Variants in KANSL1 observed in about 807,000 individuals in gnomAD.
KANSL1 encodes KAT8 regulatory NSL complex subunit 1, also known as MLL1/MLL complex subunit KANSL1.
In KANSL1, 22 loss-of-function variants were observed where a neutral mutation model predicts 103.6. The ratio of observed to expected loss-of-function variants is 0.21; its 90% CI spans 0.15 to 0.30. The LOEUF (loss-of-function observed/expected upper bound fraction) is 0.30, where lower values mean the gene tolerates loss of function less well. Ranked by LOEUF, KANSL1 falls within the 10% of genes least tolerant of loss-of-function variation. The pLI is 1.00. For missense variants in KANSL1, 1,337 were observed against 1,399.8 expected, an observed-to-expected ratio of 0.96 and a Z score of 0.72; for synonymous variants, 600 against 527.6, an observed-to-expected ratio of 1.14 and a Z score of -1.88.
At position 46,127,703 on chromosome 17, in the gene KANSL1, A is replaced by C. The variant is rs558663430; in HGVS notation, c.1290-33002T>G. On this transcript the variant is annotated intron_variant, in intron 2 of 14. Coordinates refer to ENST00000432791, the MANE Select transcript of KANSL1 (RefSeq NM_015443.4). ...TGAGGTGGGAGGACTGCTTGAGCCC[A>C]GGACAGCAAGGGTGCAGTGAGCCGA... Among the ~76,000 whole-genome samples the C allele has an allele frequency of 2.0e-5, 3 of 152,216 alleles. No individual in the cohort carries two copies. In the East Asian group the frequency reaches 5.8e-4, roughly 29 times the overall value.
intron 6 of KANSL1, among the ~76,000 whole-genome samples, chr17:46,056,477 T>C (rs1465512108): frequency 2.6e-5 from 4 of 152,208 alleles, no homozygotes; most frequent in Non-Finnish European, 5.9e-5. Context: ...TGTCTTCATC[T>C]TTACTAACAG....
intron 2 of KANSL1, among the ~76,000 whole-genome samples, chr17:46,114,254 G>A (rs976402010): frequency 3.9e-5 from 6 of 152,186 alleles, no homozygotes; most frequent in African/African-American, 7.2e-5. Context: ...AGCTACTCGG[G>A]AGGCTGAGGC....
At chr17:46,101,338 G>C (rs2042304381) in intron 2 of KANSL1, among the ~76,000 whole-genome samples, 1 of 152,228 alleles carries the variant, frequency 6.6e-6, no homozygotes. Context: ...TACTTTATGT[G>C]ATCCTAAACA....
intron 1 of KANSL1, among the ~76,000 whole-genome samples, chr17:46,173,187 T>C (rs147945747): frequency 6.6e-6 from 1 of 152,324 alleles, no homozygotes; most frequent in African/African-American, 2.4e-5. Context: ...CCTGGACCCT[T>C]AAATGCTGGT....
At chr17:46,137,740 G>A (rs186909330) in intron 2 of KANSL1, among the ~76,000 whole-genome samples, 17 of 152,028 alleles carry the variant, frequency 1.1e-4, no homozygotes, top group Middle Eastern at 6.8e-3. Flanking sequence ...GGTGGCGGGC[G>A]CCTGTAGTCC....
At position 46,170,508 on chromosome 17, in the gene KANSL1, G is replaced by A. The variant is rs138359228; in HGVS notation, c.1289+347C>T. On this transcript the variant is annotated intron_variant, in intron 2 of 14. Transcript: ENST00000432791. ...GGAAACAACAAAATCTCAACAATCA[G>A]GCCATTAACTTATCATGTCCTATAT... 7.5e-4 allele frequency: 219 copies of A among 293,780 alleles called. 3 individuals are homozygous for A. The East Asian group carries it at 0.016, about 22-fold the overall frequency. 18.2% of individuals were successfully genotyped at this position (293,780 alleles called of 1,614,324 possible).
At chr17:46,063,447 A>G in intron 6 of KANSL1, among the ~76,000 whole-genome samples, 1 of 152,222 alleles carries the variant, frequency 6.6e-6, no homozygotes, top group East Asian at 1.9e-4. Flanking sequence ...AGGTCATGTC[A>G]TGAGTGAGGA....
chr17:46,039,305 C>A, intron 8 of KANSL1, 90 bp from the exon 9 acceptor site: 1 of 1,225,800 alleles, frequency 8.2e-7, no homozygotes, highest in Admixed American at 2.9e-5. Flanking sequence ...CTCTCTAGGC[C>A]AACGCCGTAT....
chr17:46,031,626 T>A lies in KANSL1; in HGVS notation c.3168A>T (p.Ala1056=), dbSNP rs372299492. 1 of 1,613,950 alleles carries A rather than the reference T, an allele frequency of 6.2e-7. No individual in the cohort carries two copies. The highest frequency in any genetic ancestry group is 1.3e-5 in the African/African-American group (1 of 74,924). ...PQAECEDQLD[A]QERAARCTRR... The stretch of plus-strand genomic sequence containing the variant: ...GAGTGCAGCGGGCTGCTCGCTCCTG[T>A]GCATCCAGCTGGTCCTCACACTCCG... The change falls in exon 15 of 15, where the codon GCA becomes GCT. Residue 1056 remains alanine, a synonymous_variant. Transcript: ENST00000432791.
intron 6 of KANSL1, among the ~76,000 whole-genome samples, chr17:46,055,811 T>C (rs1019430932): frequency 4.6e-5 from 7 of 152,020 alleles, no homozygotes; most frequent in African/African-American, 1.7e-4. Context: ...AAAACAAAAA[T>C]TGACCAAAGT....
chr17:46,183,673 G>A (rs191900986), intron 1 of KANSL1, among the ~76,000 whole-genome samples: 3 of 151,244 alleles, frequency 2.0e-5, no homozygotes, highest in South Asian at 4.2e-4. Context: ...GAGTAGGGCC[G>A]GGAGAGGTGG....
In KANSL1 at chr17:46,114,177, G is replaced by A. The variant is rs149435565; in HGVS notation, c.1290-19476C>T. Reference sequence around the variant, plus strand: ...AGTTCTAGACCAGCGTGGCCAATACGGTGAAACCCCGTCTCTACTAAAAAT... The same window carrying A: ...AGTTCTAGACCAGCGTGGCCAATACAGTGAAACCCCGTCTCTACTAAAAAT... On this transcript the variant is annotated intron_variant, in intron 2 of 14. Transcript: ENST00000432791. 2.6e-5 allele frequency among the ~76,000 whole-genome samples: 4 copies of A among 152,260 alleles called. No individual in the cohort carries two copies. The East Asian group carries it at 5.8e-4, about 22-fold the overall frequency.
At chr17:46,153,807 C>A (rs1048707638) in intron 2 of KANSL1, among the ~76,000 whole-genome samples, 1 of 152,186 alleles carries the variant, frequency 6.6e-6, no homozygotes, top group Admixed American at 6.5e-5. Context: ...CTGAAGGAAT[C>A]GCAATGTGGA....
At chr17:46,112,975 C>T (rs1244362012) in intron 2 of KANSL1, among the ~76,000 whole-genome samples, 3 of 152,160 alleles carry the variant, frequency 2.0e-5, no homozygotes, top group African/African-American at 7.2e-5. Context: ...CCCACCTTGG[C>T]CTCCCAAAGT....
chr17:46,212,440 C>T (rs939171454), intron 1 of KANSL1, among the ~76,000 whole-genome samples: 23 of 152,252 alleles, frequency 1.5e-4, no homozygotes, highest in Middle Eastern at 3.4e-3. Flanking sequence ...AGGATGGTCT[C>T]GATCTCCTGA....
chr17:46,046,873 A>G (rs1245062306), intron 7 of KANSL1, among the ~76,000 whole-genome samples: 2 of 151,654 alleles, frequency 1.3e-5, no homozygotes, highest in Non-Finnish European at 2.9e-5. Flanking sequence ...TTTTGAAAGC[A>G]GCATATGAGA....
chr17:46,065,426 CAATA>C (rs2078342731), intron 6 of KANSL1, among the ~76,000 whole-genome samples: 1 of 152,056 alleles, frequency 6.6e-6, no homozygotes, highest in South Asian at 2.1e-4. Context: ...TGCAGGAAGC[CAATA>C]AATATTTGTT....
intron 4 of KANSL1, among the ~76,000 whole-genome samples, chr17:46,080,312 TA>T (rs35520207): frequency 0.16 from 12,764 of 77,512 alleles, 779 homozygotes; most frequent in East Asian, 0.4. Context: ...GAGCCTGTCT[TA>T]AAAAAAAAAA....
chr17:46,124,786 A>G (rs1317125578), intron 2 of KANSL1, among the ~76,000 whole-genome samples: 1 of 152,018 alleles, frequency 6.6e-6, no homozygotes, highest in Non-Finnish European at 1.5e-5. Context: ...TGAAAAACAC[A>G]GCAAGATAAC....
Sources: allele counts gnomAD v4.1 joint callset (sites outside exome capture counted in the v4.1 genomes callset), GRCh38; gene constraint gnomAD v4.1.1; transcripts MANE v1.5; gene names NCBI Gene and HGNC (gene_info 2026-07-23, HGNC 2026-07-21).